The following DMD variants were observed in gnomAD, a reference collection of about 807,000 sequenced individuals.
DMD encodes mutant dystrophin.
A neutral mutation model predicts 330.1 loss-of-function variants in DMD; 63 were observed. That is an observed-to-expected ratio of 0.19 (90% confidence interval 0.16 to 0.24). The LOEUF (loss-of-function observed/expected upper bound fraction) is 0.24, where lower values mean the gene tolerates loss of function less well. Among genes scored for constraint, DMD ranks in the 10% least tolerant of loss-of-function variants. DMD has a pLI of 1.00. For synonymous variants in DMD, 1,223 were observed against 959.8 expected (o/e 1.27, Z -5.07); for missense variants, 3,344 against 2,684.1 (o/e 1.25, Z -5.43).
intron 45 of DMD, among the ~76,000 whole-genome samples, chrX:31,952,957 T>G (rs964440779): frequency 2.7e-5 from 3 of 112,349 alleles, no homozygotes; most frequent in Non-Finnish European, 3.8e-5. Flanking sequence ...AGAAACAAAC[T>G]GTATGCCTAG....
At chrX:31,884,413 A>G (rs1603532098) in intron 47 of DMD, among the ~76,000 whole-genome samples, 1 of 111,786 alleles carries the variant, frequency 8.9e-6, no homozygotes, top group African/African-American at 3.3e-5. Context: ...CAAATACTGT[A>G]TGATTTCACT....
chrX:32,678,708 C>A (rs192840389), intron 9 of DMD, among the ~76,000 whole-genome samples: 4 of 111,530 alleles, frequency 3.6e-5, no homozygotes, highest in East Asian at 5.6e-4. Flanking sequence ...TCTTTCCCTG[C>A]CCCATGACCA....
chrX:32,080,758 G>T (rs940778939), intron 44 of DMD, among the ~76,000 whole-genome samples: 3 of 111,463 alleles, frequency 2.7e-5, no homozygotes, highest in Admixed American at 9.5e-5. Context: ...TTTTAGGGGT[G>T]GTCCCAGCCA....
chrX:32,455,526 C>T (rs1276677591), intron 25 of DMD, among the ~76,000 whole-genome samples: 1 of 111,049 alleles, frequency 9.0e-6, no homozygotes, highest in African/African-American at 3.2e-5. Flanking sequence ...CATAATACAA[C>T]CTTTTAGATA....
chrX:32,773,023 C>T (rs1007154617), intron 7 of DMD, among the ~76,000 whole-genome samples: 1 of 111,760 alleles, frequency 8.9e-6, no homozygotes, highest in Non-Finnish European at 1.9e-5. Flanking sequence ...GTGTAAAACT[C>T]TTAAGTATCC....
intron 57 of DMD, among the ~76,000 whole-genome samples, chrX:31,494,729 G>A (rs754852741): frequency 8.9e-6 from 1 of 111,781 alleles, no homozygotes; most frequent in African/African-American, 3.2e-5. Flanking sequence ...ACAAAATACT[G>A]GCTGGAAGAA....
At chrX:33,238,764 T>C (rs1469885790) in intron 1 of DMD, among the ~76,000 whole-genome samples, 1 of 111,336 alleles carries the variant, frequency 9.0e-6, no homozygotes, top group Non-Finnish European at 1.9e-5. Flanking sequence ...GCTTTTAGTA[T>C]CATAATCTTT....
chrX:33,265,195 T>C (rs896144899), intron 1 of DMD, among the ~76,000 whole-genome samples: 3 of 110,177 alleles, frequency 2.7e-5, no homozygotes, highest in Non-Finnish European at 5.7e-5. Context: ...GGCAAGTCTA[T>C]ATTTAGTGTA....
intron 74 of DMD, among the ~76,000 whole-genome samples, chrX:31,154,220 T>C (rs1602206460): frequency 8.9e-6 from 1 of 112,227 alleles, no homozygotes. Context: ...GTAGGGGAGA[T>C]CATTCTCATA....
intron 63 of DMD, among the ~76,000 whole-genome samples, chrX:31,241,770 C>T (rs938684851): frequency 6.3e-5 from 7 of 111,327 alleles, no homozygotes; most frequent in African/African-American, 1.3e-4. Context: ...ATAATCTCTC[C>T]CCTCTCTAAC....
chrX:31,354,280 G>A (rs1440152258), intron 60 of DMD, among the ~76,000 whole-genome samples: 2 of 111,251 alleles, frequency 1.8e-5, no homozygotes, highest in African/African-American at 6.5e-5. Context: ...GTTTATTCAC[G>A]GATCTTTACT....
chrX:32,469,069 A>G (rs1450294202), intron 22 of DMD, among the ~76,000 whole-genome samples: 1 of 110,820 alleles, frequency 9.0e-6, no homozygotes, highest in African/African-American at 3.3e-5. Flanking sequence ...AATTAATTAT[A>G]CTGAGCTTTC....
intron 61 of DMD, among the ~76,000 whole-genome samples, chrX:31,324,832 C>A (rs1042373492): frequency 8.9e-6 from 1 of 111,939 alleles, no homozygotes; most frequent in African/African-American, 3.2e-5. Context: ...CTCGACTACA[C>A]TGTATAATAT....
intron 52 of DMD, among the ~76,000 whole-genome samples, chrX:31,703,053 A>C (rs1219469010): frequency 4.5e-5 from 5 of 110,006 alleles, no homozygotes; most frequent in Admixed American, 9.7e-5. Flanking sequence ...ATGGGGTTTC[A>C]TCAAGTTGAC....
At chrX:31,390,639 C>T (rs764108619) in intron 60 of DMD, among the ~76,000 whole-genome samples, 4 of 111,318 alleles carry the variant, frequency 3.6e-5, no homozygotes, top group African/African-American at 6.5e-5. Context: ...GATTTTGTCT[C>T]GAAAATACAT....
rs1237317158 is a variant in DMD, at chrX:31,728,027, T to C, written c.7660+1604A>G. 3.6e-5 allele frequency among the ~76,000 whole-genome samples: 4 copies of C among 112,528 alleles called. No individual in the cohort carries two copies. The South Asian group carries it at 1.5e-3, about 41-fold the overall frequency. ...ATTTACAAATTCCAAGCTCTGTTCT[T>C]TGCTTGTTTGTAAACGACGCAGTCT... On this transcript the variant is annotated intron_variant, in intron 52 of 78. Transcript: ENST00000357033.
intron 30 of DMD, among the ~76,000 whole-genome samples, chrX:32,411,209 C>T (rs2098140474): frequency 9.0e-6 from 1 of 111,593 alleles, no homozygotes; most frequent in African/African-American, 3.3e-5. Context: ...CGGCTCACTG[C>T]AACCTCCGCC....
chrX:32,793,662 G>A (rs1415743051), intron 7 of DMD, among the ~76,000 whole-genome samples: 1 of 111,506 alleles, frequency 9.0e-6, no homozygotes, highest in Non-Finnish European at 1.9e-5. Flanking sequence ...AAATCTAGAG[G>A]AATGTATAAA....
rs966105987 is a variant in DMD at position 31,616,070 on chromosome X, G to A, written c.8217+11603C>T. 3.6e-5 allele frequency among the ~76,000 whole-genome samples: 4 copies of A among 111,474 alleles called. No individual in the cohort carries two copies. In the East Asian group the frequency reaches 1.1e-3, roughly 31 times the overall value. On this transcript the variant is annotated intron_variant, in intron 55 of 78. Coordinates refer to ENST00000357033, the MANE Select transcript of DMD (RefSeq NM_004006.3). ...TAATCTGAGAGCAATTCAGAAATGC[G>A]TCTATGGTCAGTAAGCCCCAGAATC...
Sources: allele counts gnomAD v4.1 joint callset (sites outside exome capture counted in the v4.1 genomes callset), GRCh38; gene constraint gnomAD v4.1.1; transcripts MANE v1.5; gene names NCBI Gene and HGNC (gene_info 2026-07-23, HGNC 2026-07-21).